The following C22orf42 variants were observed in gnomAD, a reference collection of about 807,000 sequenced individuals.
C22orf42 encodes the protein chromosome 22 open reading frame 42, also known as uncharacterized protein C22orf42.
A neutral mutation model predicts 31.4 loss-of-function variants in C22orf42; 24 were observed. The ratio of observed to expected loss-of-function variants is 0.77; its 90% confidence interval spans 0.55 to 1.08. C22orf42 has a LOEUF of 1.08. C22orf42 is among the 50% of genes least tolerant of loss of function. The pLI, the probability that C22orf42 is intolerant of heterozygous loss-of-function variation, is 0.00. For missense variants in C22orf42, 276 were observed against 327.3 expected (o/e 0.84, Z 1.21); for synonymous variants, 96 against 112.7 (o/e 0.85, Z 0.94).
chr22:32,149,595 C>T lies in C22orf42; in HGVS notation c.701G>A (p.Arg234Gln), dbSNP rs955472716. The change falls in exon 9 of 9, where the codon CGG becomes CAG. Residue 234 changes from arginine (R) to glutamine (Q), a missense_variant. Physicochemically the swap from Arg to Gln is conservative, Grantham distance 43 (BLOSUM62 1). Transcript: ENST00000382097. ...GCTGATGGGTTCATTGAGCCGAGAC[C>T]GTGCCATCTTAACCCAGCCTAGGGG... ...EDYLCWVKMA[R>Q]SRLNEPISSQ... 9.2e-6 allele frequency: 14 copies of T among 1,522,086 alleles called. No individual in the cohort carries two copies. The highest frequency in any genetic ancestry group is 1.4e-5 in the African/African-American group (1 of 71,888). 94.3% of individuals were successfully genotyped at this position (1,522,086 alleles called of 1,614,324 possible). A position where few individuals can be genotyped will look rare whatever the true frequency, so the allele number is the denominator to read the frequency against.
chr22:32,155,291 A>G (rs1255271186), intron 1 of C22orf42, among the ~76,000 whole-genome samples: 2 of 152,188 alleles, frequency 1.3e-5, no homozygotes, highest in African/African-American at 4.8e-5. Flanking sequence ...CACCTGGTCT[A>G]TTATCCCTGC....
chr22:32,150,062 C>T (rs992087189), intron 7 of C22orf42: 62 of 548,648 alleles, frequency 1.1e-4, no homozygotes, highest in Middle Eastern at 4.8e-4. Flanking sequence ...AAGTGATGCG[C>T]TCATTTTTGA....
Position 32,152,608 on chromosome 22 carries a change from T to A in C22orf42, c.326A>T (p.Gln109Leu), listed in dbSNP as rs1418919550. Residue 109 changes from glutamine (Q) to leucine (L), a missense_variant, in exon 3 of 9, where the codon CAG becomes CTG. Coordinates refer to ENST00000382097, the MANE Select transcript of C22orf42 (RefSeq NM_001010859.3). ...LENIGPTEDV[Q>L]ASAHGGVEEN... is the part of the protein sequence containing the mutation. Reference sequence around the variant, plus strand: ...CTCCACACCGCCGTGTGCAGACGCCTGCACATCTTCAGTGGGACCTAGGAG... The same window carrying A: ...CTCCACACCGCCGTGTGCAGACGCCAGCACATCTTCAGTGGGACCTAGGAG... The A allele has an allele frequency of 6.2e-7, 1 of 1,613,742 alleles. No individual in the cohort carries two copies.
intron 1 of C22orf42, 126 bp downstream of exon 1, chr22:32,158,858 A>C: frequency 9.5e-7 from 1 of 1,053,766 alleles, no homozygotes; most frequent in Non-Finnish European, 1.4e-6. Context: ...GCCCTGGGAA[A>C]GCCGGCTATG....
intron 6 of C22orf42, chr22:32,150,693 T>C (rs1354343295): frequency 3.2e-6 from 2 of 627,794 alleles, no homozygotes; most frequent in Non-Finnish European, 5.7e-6. Flanking sequence ...CTAGAGCAAC[T>C]TCATCAATGT....
intron 1 of C22orf42, 116 bp from the exon 2 acceptor site, chr22:32,154,434 T>C: frequency 9.1e-7 from 1 of 1,100,804 alleles, no homozygotes; most frequent in Non-Finnish European, 1.3e-6. Context: ...TATTCACAGA[T>C]GAAAGTTTTG....
chr22:32,155,500 C>T (rs1387462071), intron 1 of C22orf42, among the ~76,000 whole-genome samples: 7 of 151,446 alleles, frequency 4.6e-5, no homozygotes, highest in Non-Finnish European at 7.4e-5. Flanking sequence ...GGAGCTGCTG[C>T]GTGCCCCAGT....
At chr22:32,156,430 AG>A (rs1254437896) in intron 1 of C22orf42, among the ~76,000 whole-genome samples, 6 of 143,840 alleles carry the variant, frequency 4.2e-5, no homozygotes, top group African/African-American at 1.6e-4. Flanking sequence ...CTGAGTGAAA[AG>A]TAAACAGTTA....
At chr22:32,149,641 CAAA>C in intron 8 of C22orf42, 28 bp from the exon 9 acceptor site, 6 of 1,236,144 alleles carry the variant, frequency 4.9e-6, no homozygotes, top group South Asian at 2.3e-5. Flanking sequence ...GACTTCATCT[CAAA>C]AAAAAAATAT....
upstream of C22orf42, chr22:32,160,297 A>G (rs1461296708): frequency 6.6e-6 from 1 of 152,132 alleles, no homozygotes; most frequent in African/African-American, 2.4e-5. Context: ...GACCTTGTAG[A>G]TTAGTATTTT....
At chr22:32,154,163 A>T in intron 2 of C22orf42, 81 bp downstream of exon 2, 1 of 1,452,458 alleles carries the variant, frequency 6.9e-7, no homozygotes, top group Non-Finnish European at 9.4e-7. Context: ...GCATTTACTG[A>T]GTTTCTCTAA....
At chr22:32,156,852 G>A (rs537861830) in intron 1 of C22orf42, among the ~76,000 whole-genome samples, 3,065 of 152,046 alleles carry the variant, frequency 0.02, 34 homozygotes, top group South Asian at 0.032. Context: ...GTATACCCTC[G>A]AGATAAAATG....
intron 5 of C22orf42, 94 bp downstream of exon 5, chr22:32,151,393 A>G: frequency 1.5e-6 from 2 of 1,296,986 alleles, no homozygotes; most frequent in South Asian, 1.3e-5. Flanking sequence ...GGCCTGAATC[A>G]TGATGGCAGT....
chr22:32,149,664 T>TA, intron 8 of C22orf42, 51 bp from the exon 9 acceptor site: 3 of 1,248,718 alleles, frequency 2.4e-6, no homozygotes, highest in Non-Finnish European at 3.1e-6. Flanking sequence ...TATATATATA[T>TA]ATATCTACAT....
chr22:32,160,404 C>T (rs1921529614), upstream of C22orf42: 1 of 152,040 alleles, frequency 6.6e-6, no homozygotes, highest in Non-Finnish European at 1.5e-5. Flanking sequence ...TGAAACAGTC[C>T]CAACCCTCAG....
chr22:32,153,765 AC>A (rs1921097474), intron 2 of C22orf42, among the ~76,000 whole-genome samples: 1 of 151,998 alleles, frequency 6.6e-6, no homozygotes. Flanking sequence ...TTCATAATTG[AC>A]CAAACTGAAA....
intron 7 of C22orf42, 62 bp from the exon 8 acceptor site, chr22:32,149,842 G>A (rs2094109439): frequency 1.5e-6 from 2 of 1,350,180 alleles, no homozygotes; most frequent in South Asian, 3.4e-5. Flanking sequence ...GTTGGCACAG[G>A]TCTATTATTC....
chr22:32,154,574 A>T (rs1921159412), intron 1 of C22orf42, among the ~76,000 whole-genome samples: 1 of 152,222 alleles, frequency 6.6e-6, no homozygotes, highest in Non-Finnish European at 1.5e-5. Context: ...AGATGAGACA[A>T]TATAGAAAAG....
At chr22:32,159,981 C>T (rs1368338449), upstream of C22orf42, 5 of 152,206 alleles carry the variant, frequency 3.3e-5, no homozygotes, top group East Asian at 1.9e-4. Flanking sequence ...GCATAAAGCA[C>T]GTTTTTCTTA....
Sources: gnomAD v4.1 joint callset for allele counts (sites outside exome capture counted in the v4.1 genomes callset) on GRCh38, gnomAD v4.1.1 for gene constraint, MANE v1.5 for transcripts, NCBI Gene and HGNC (gene_info 2026-07-23, HGNC 2026-07-21) for gene names.